The following CCDC148 variants were observed in gnomAD, a reference collection of about 807,000 sequenced individuals.
The protein encoded by CCDC148 is coiled-coil domain-containing protein 148.
In CCDC148, 89 loss-of-function variants were observed where a neutral mutation model predicts 85.7. The ratio of observed to expected loss-of-function variants is 1.04; its 90% CI spans 0.87 to 1.24. CCDC148 has a LOEUF of 1.24. Ranked by LOEUF, CCDC148 falls within the 50% of genes most tolerant of loss-of-function variation. The pLI, the probability that CCDC148 is intolerant of heterozygous loss-of-function variation, is 0.00. For missense variants in CCDC148, 692 were observed against 671.7 expected, an observed-to-expected ratio of 1.03 and a Z score of -0.33; for synonymous variants, 230 against 213.9, an observed-to-expected ratio of 1.08 and a Z score of -0.66.
chr2:158,331,049 A>G (rs943812738), intron 7 of CCDC148, among the ~76,000 whole-genome samples: 1 of 152,104 alleles, frequency 6.6e-6, no homozygotes, highest in Non-Finnish European at 1.5e-5. Flanking sequence ...GCCTTCTGCT[A>G]GCTTTTGAAT....
At chr2:158,212,182 A>G (rs1159856603) in intron 11 of CCDC148, among the ~76,000 whole-genome samples, 1 of 152,240 alleles carries the variant, frequency 6.6e-6, no homozygotes, top group East Asian at 1.9e-4. Context: ...TCTTTGGACT[A>G]TATCATTTGG....
At chr2:158,355,210 T>C (rs1326223916) in intron 2 of CCDC148, among the ~76,000 whole-genome samples, 1 of 152,048 alleles carries the variant, frequency 6.6e-6, no homozygotes, top group Non-Finnish European at 1.5e-5. Flanking sequence ...TTCAACATAG[T>C]GTTGGAAGTT....
At chr2:158,444,538 T>C (rs1365411234) in intron 1 of CCDC148, among the ~76,000 whole-genome samples, 1 of 152,004 alleles carries the variant, frequency 6.6e-6, no homozygotes, top group African/African-American at 2.4e-5. Context: ...CCCAGCACTT[T>C]GGGAGGCTGA....
intron 9 of CCDC148, among the ~76,000 whole-genome samples, chr2:158,266,461 CT>C (rs1381314133): frequency 6.6e-6 from 1 of 152,118 alleles, no homozygotes; most frequent in Non-Finnish European, 1.5e-5. Context: ...CACCCACATT[CT>C]TTTTAAATTT....
At chr2:158,389,722 CA>C (rs1453180591) in intron 1 of CCDC148, among the ~76,000 whole-genome samples, 1 of 152,166 alleles carries the variant, frequency 6.6e-6, no homozygotes, top group Non-Finnish European at 1.5e-5. Context: ...TCTCATGATT[CA>C]AAATGTATTT....
At chr2:158,404,314 T>C (rs1408604216) in intron 1 of CCDC148, among the ~76,000 whole-genome samples, 1 of 152,084 alleles carries the variant, frequency 6.6e-6, no homozygotes, top group Non-Finnish European at 1.5e-5. Flanking sequence ...TGCTGAGGAC[T>C]GGGAGCAAGG....
Position 158,311,475 on chromosome 2 carries a change from G to A in CCDC148, c.904-1836C>T, listed in dbSNP as rs547459720. 3.6e-3 allele frequency among the ~76,000 whole-genome samples: 516 copies of A among 142,206 alleles called. 1 individual carries two copies. Among genetic ancestry groups the A allele is most frequent in the African/African-American group, 0.012 (495 of 40,732 alleles). The allele number at this position is 142,206 out of a possible 152,430, so 93.3% of individuals were successfully genotyped here. A position where few individuals can be genotyped will look rare whatever the true frequency, so the allele number is the denominator to read the frequency against. On this transcript the variant is annotated intron_variant, in intron 8 of 13. Transcript: ENST00000283233. The stretch of plus-strand genomic sequence containing the variant: ...ACTGTGGAAAGCGGGAGATGGAGAC[G>A]AGGGAGAGGGGGAGACCGTGGAAAG...
At chr2:158,408,639 A>C (rs918055108) in intron 1 of CCDC148, among the ~76,000 whole-genome samples, 1 of 152,116 alleles carries the variant, frequency 6.6e-6, no homozygotes, top group African/African-American at 2.4e-5. Context: ...ATACATATAT[A>C]CCACATTTTC....
chr2:158,185,986 T>C (rs1352417818), intron 11 of CCDC148, among the ~76,000 whole-genome samples: 1 of 152,092 alleles, frequency 6.6e-6, no homozygotes, highest in Non-Finnish European at 1.5e-5. Flanking sequence ...CCATTCTCAG[T>C]CGCTGCTTTC....
intron 11 of CCDC148, among the ~76,000 whole-genome samples, chr2:158,210,259 G>A (rs985246569): frequency 3.9e-5 from 6 of 152,060 alleles, no homozygotes; most frequent in Non-Finnish European, 7.4e-5. Context: ...CAAGAAGAGC[G>A]AGCTATCCTA....
At chr2:158,439,122 C>A (rs1434727955) in intron 1 of CCDC148, among the ~76,000 whole-genome samples, 1 of 152,196 alleles carries the variant, frequency 6.6e-6, no homozygotes. Context: ...CATCCCATTA[C>A]TGGGTATATA....
intron 11 of CCDC148, among the ~76,000 whole-genome samples, chr2:158,183,403 T>C (rs2105265813): frequency 6.6e-6 from 1 of 152,272 alleles, no homozygotes; most frequent in East Asian, 1.9e-4. Flanking sequence ...TGGGCTTCAC[T>C]GAAACTTCAG....
At chr2:158,325,684 C>T (rs182690651) in intron 7 of CCDC148, among the ~76,000 whole-genome samples, 4 of 152,260 alleles carry the variant, frequency 2.6e-5, no homozygotes, top group East Asian at 1.9e-4. Context: ...ACCTCAACCC[C>T]GGATTTTCTC....
At position 158,438,232 on chromosome 2, in the gene CCDC148, A is replaced by G. The variant is rs544881103; in HGVS notation, c.25+18183T>C. On this transcript the variant is annotated intron_variant, in intron 1 of 13. Transcript: ENST00000283233. Reference sequence around the variant, plus strand: ...TTACCTGACTTCAAACTATACTACAAGGCCTCAGTAACCAAAATAGCATGG... The same window carrying G: ...TTACCTGACTTCAAACTATACTACAGGGCCTCAGTAACCAAAATAGCATGG... Among the ~76,000 whole-genome samples, 3 of 152,334 alleles carry G rather than the reference A, an allele frequency of 2.0e-5. No individual in the cohort carries two copies. In the East Asian group the frequency reaches 5.8e-4, roughly 29 times the overall value.
chr2:158,382,851 A>G (rs991345818), intron 1 of CCDC148, among the ~76,000 whole-genome samples: 1 of 151,020 alleles, frequency 6.6e-6, no homozygotes, highest in African/African-American at 2.4e-5. Context: ...AATCCGGGAG[A>G]CAGAGGTTGC....
At chr2:158,415,199 G>A (rs2105317955) in intron 1 of CCDC148, among the ~76,000 whole-genome samples, 1 of 151,976 alleles carries the variant, frequency 6.6e-6, no homozygotes, top group East Asian at 1.9e-4. Context: ...GCATGGCTAG[G>A]GAGGCCTCAA....
At chr2:158,220,462 A>G in intron 11 of CCDC148, 133 bp downstream of exon 11, 1 of 634,154 alleles carries the variant, frequency 1.6e-6, no homozygotes, top group Non-Finnish European at 2.7e-6. Flanking sequence ...CATTGTATTC[A>G]TTTGTGAATA....
intron 8 of CCDC148, among the ~76,000 whole-genome samples, 175 bp from the exon 9 acceptor site, chr2:158,309,814 G>C (rs1415974790): frequency 6.6e-6 from 1 of 152,208 alleles, no homozygotes; most frequent in East Asian, 1.9e-4. Flanking sequence ...CCAAAATTCT[G>C]AACCCATGGC....
intron 11 of CCDC148, among the ~76,000 whole-genome samples, chr2:158,190,480 A>G (rs1343743230): frequency 6.6e-6 from 1 of 152,018 alleles, no homozygotes; most frequent in African/African-American, 2.4e-5. Context: ...ACAAAGGCAG[A>G]GCTTACATCT....
Sources: gnomAD v4.1 joint callset for allele counts (sites outside exome capture counted in the v4.1 genomes callset) on GRCh38, gnomAD v4.1.1 for gene constraint, MANE v1.5 for transcripts, NCBI Gene and HGNC (gene_info 2026-07-23, HGNC 2026-07-21) for gene names.